Variants in HECW1 observed in about 807,000 individuals in gnomAD.
HECW1 encodes E3 ubiquitin-protein ligase HECW1.
A neutral mutation model predicts 182.3 loss-of-function variants in HECW1; 61 were observed. The ratio of observed to expected loss-of-function variants is 0.33; its 90% CI spans 0.27 to 0.41. The LOEUF is 0.41. Among genes scored for constraint, HECW1 ranks in the 10% least tolerant of loss-of-function variants. The pLI is 1.00. For synonymous variants in HECW1, 859 were observed against 832.6 expected, an observed-to-expected ratio of 1.03 and a Z score of -0.55; for missense variants, 1,739 against 2,108.9, an observed-to-expected ratio of 0.82 and a Z score of 3.44.
intron 8 of HECW1, among the ~76,000 whole-genome samples, chr7:43,409,151 C>G (rs909183978): frequency 2.6e-5 from 4 of 152,130 alleles, no homozygotes; most frequent in East Asian, 1.9e-4. Flanking sequence ...TAGCGCTCTC[C>G]CAGGCTTCCC....
At chr7:43,523,990 G>A (rs1011312400) in intron 24 of HECW1, among the ~76,000 whole-genome samples, 1 of 150,696 alleles carries the variant, frequency 6.6e-6, no homozygotes, top group Non-Finnish European at 1.5e-5. Context: ...TTGACCTTCA[G>A]ACTATGTTTT....
intron 17 of HECW1, among the ~76,000 whole-genome samples, chr7:43,487,732 G>T (rs1351263210): frequency 6.6e-6 from 1 of 151,774 alleles, no homozygotes; most frequent in Non-Finnish European, 1.5e-5. Context: ...CAGGGCAGGA[G>T]GATCTCTTGA....
At chr7:43,402,835 C>A (rs76718729) in intron 7 of HECW1, among the ~76,000 whole-genome samples, 8,188 of 152,236 alleles carry the variant, frequency 0.054, 299 homozygotes, top group South Asian at 0.1. Flanking sequence ...TTACCACTGC[C>A]TGGAGGTAAT....
At chr7:43,114,036 G>A in intron 1 of HECW1, 121 bp from the exon 2 acceptor site, 1 of 405,262 alleles carries the variant, frequency 2.5e-6, no homozygotes. Flanking sequence ...GAGAGCATGT[G>A]GGGATTTTCC....
chr7:43,375,991 G>T (rs1020727781), intron 6 of HECW1, among the ~76,000 whole-genome samples: 3 of 149,574 alleles, frequency 2.0e-5, no homozygotes, highest in African/African-American at 7.3e-5. Context: ...ACTGGTTGAG[G>T]TGCATATATA....
intron 2 of HECW1, among the ~76,000 whole-genome samples, chr7:43,209,093 G>A (rs957201027): frequency 1.3e-5 from 2 of 152,110 alleles, no homozygotes; most frequent in African/African-American, 4.8e-5. Context: ...AGTGGGAGGC[G>A]GGCAGCCTTT....
At chr7:43,471,588 CGCTG>C (rs2078027863) in intron 16 of HECW1, among the ~76,000 whole-genome samples, 1 of 152,186 alleles carries the variant, frequency 6.6e-6, no homozygotes, top group South Asian at 2.1e-4. Context: ...GCAAAGAACA[CGCTG>C]GCATCTGACT....
chr7:43,131,478 G>C (rs1048873028), intron 2 of HECW1, among the ~76,000 whole-genome samples: 1 of 152,140 alleles, frequency 6.6e-6, no homozygotes, highest in African/African-American at 2.4e-5. Flanking sequence ...TTTTTGAGAG[G>C]AGTGGATGTT....
chr7:43,127,165 A>G (rs1438094456), intron 2 of HECW1, among the ~76,000 whole-genome samples: 4 of 152,224 alleles, frequency 2.6e-5, no homozygotes, highest in South Asian at 2.1e-4. Flanking sequence ...CAAGTTGTTA[A>G]TACAAAGGAA....
chr7:43,553,793 T>C (rs1454567887), intron 28 of HECW1, among the ~76,000 whole-genome samples: 1 of 152,066 alleles, frequency 6.6e-6, no homozygotes, highest in Admixed American at 6.6e-5. Flanking sequence ...CCTGCATATT[T>C]CCTCCTCTTT....
At chr7:43,113,467 G>A (rs959980280) in intron 1 of HECW1, among the ~76,000 whole-genome samples, 2 of 152,188 alleles carry the variant, frequency 1.3e-5, no homozygotes, top group Non-Finnish European at 2.9e-5. Context: ...CGCTCGAGGG[G>A]CGCGTGGCCA....
At chr7:43,504,716 A>G (rs1425932305) in intron 21 of HECW1, among the ~76,000 whole-genome samples, 1 of 152,152 alleles carries the variant, frequency 6.6e-6, no homozygotes, top group Non-Finnish European at 1.5e-5. Flanking sequence ...CTCTACTATT[A>G]TTTCAAACAT....
intron 2 of HECW1, among the ~76,000 whole-genome samples, chr7:43,174,393 T>A (rs1792004072): frequency 6.6e-6 from 1 of 152,220 alleles, no homozygotes; most frequent in Non-Finnish European, 1.5e-5. Context: ...GTTTCTTTCT[T>A]AGTTTCTGCA....
At chr7:43,206,783 G>A (rs1340052937) in intron 2 of HECW1, among the ~76,000 whole-genome samples, 4 of 152,132 alleles carry the variant, frequency 2.6e-5, no homozygotes, top group Admixed American at 2.6e-4. Context: ...CTCTTCAGAT[G>A]GTTTCTTAAA....
intron 5 of HECW1, among the ~76,000 whole-genome samples, chr7:43,328,076 G>C (rs529000349): frequency 6.6e-6 from 1 of 151,760 alleles, no homozygotes; most frequent in Non-Finnish European, 1.5e-5. Context: ...GTAGCATTTT[G>C]GGAGGAAGTG....
At chr7:43,429,289 CATATATATATATATAT>C (rs57627873) in intron 8 of HECW1, among the ~76,000 whole-genome samples, 21,989 of 106,688 alleles carry the variant, frequency 0.21, 2,342 homozygotes, top group Middle Eastern at 0.25. Flanking sequence ...ATATTATATG[CATATATATATATATAT>C]ATATATATAT....
At chr7:43,149,143 A>G (rs949054198) in intron 2 of HECW1, among the ~76,000 whole-genome samples, 4 of 152,186 alleles carry the variant, frequency 2.6e-5, no homozygotes, top group African/African-American at 9.7e-5. Flanking sequence ...GTATCAATGT[A>G]TCTCCCCCTT....
rs2152962248 is a variant in HECW1 at position 43,555,936 on chromosome 7, T to C, written c.4709+1146T>C. On this transcript the variant is annotated intron_variant, in intron 29 of 29. Transcript: ENST00000395891. ...ATGATGATTTCAAGAATATAGTTAT[T>C]TGGAAACATCTTGCTTTTATTTTAG... 1.3e-5 allele frequency among the ~76,000 whole-genome samples: 2 copies of C among 152,374 alleles called. 1 individual carries two copies. The highest frequency in any genetic ancestry group is 4.1e-4 in the South Asian group (2 of 4,828).
intron 12 of HECW1, among the ~76,000 whole-genome samples, chr7:43,451,271 T>G (rs2077226989): frequency 6.6e-6 from 1 of 152,216 alleles, no homozygotes; most frequent in African/African-American, 2.4e-5. Context: ...TATTTAAAAT[T>G]TGCAGTTCAA....
Sources: allele counts gnomAD v4.1 joint callset (sites outside exome capture counted in the v4.1 genomes callset), GRCh38; gene constraint gnomAD v4.1.1; transcripts MANE v1.5; gene names NCBI Gene and HGNC (gene_info 2026-07-23, HGNC 2026-07-21).